The following NDUFA11 variants were observed in gnomAD, a reference collection of about 807,000 sequenced individuals.
NDUFA11 encodes the protein NADH dehydrogenase [ubiquinone] 1 alpha subcomplex subunit 11.
A neutral mutation model predicts 11.3 loss-of-function variants in NDUFA11; 14 were observed. The observed-to-expected ratio is 1.24, with a 90% CI of 0.82 to 1.94. NDUFA11 has a LOEUF of 1.94. Ranked by LOEUF, NDUFA11 falls within the 30% of genes most tolerant of loss-of-function variation. The probability of loss-of-function intolerance (pLI) is 0.00; values close to 1 mark genes in which losing one functional copy is unlikely to be tolerated. For missense variants in NDUFA11, 204 were observed against 200.3 expected (o/e 1.02, Z -0.11); for synonymous variants, 87 against 85.6 (o/e 1.02, Z -0.09).
In NDUFA11 at chr19:5,903,471, A is replaced by G. The variant is rs374200720; in HGVS notation, c.97+141T>C. 1.1e-5 allele frequency: 8 copies of G among 744,344 alleles called. No individual in the cohort carries two copies. In the African/African-American group the frequency reaches 1.3e-4, roughly 12 times the overall value. The allele number at this position is 744,344 out of a possible 1,614,324, so 46.1% of individuals were successfully genotyped here. ...TCCATTTCACACAAGATCCCCCCCT[A>G]CGACCGCCCAAGACACCCCGATGAC... is the stretch of plus-strand genomic sequence containing the variant. On this transcript the variant is annotated intron_variant, in intron 1 of 3. Coordinates refer to ENST00000308961, the MANE Select transcript of NDUFA11 (RefSeq NM_175614.5).
intron 1 of NDUFA11, chr19:5,901,244 G>A (rs2057643548): frequency 8.6e-7 from 1 of 1,159,474 alleles, no homozygotes; most frequent in South Asian, 1.5e-5. Flanking sequence ...TCTCTCACAT[G>A]AACACCAACA....
At chr19:5,892,698 G>C, downstream of NDUFA11, 1 of 532,060 alleles carries the variant, frequency 1.9e-6, no homozygotes, top group Non-Finnish European at 3.0e-6. Flanking sequence ...CTGCCCAGCA[G>C]GCCGTGCTGT....
intron 1 of NDUFA11, among the ~76,000 whole-genome samples, chr19:5,900,264 AATTC>A (rs912918639): frequency 6.6e-6 from 1 of 152,172 alleles, no homozygotes; most frequent in Non-Finnish European, 1.5e-5. Flanking sequence ...ACCCAGTGTG[AATTC>A]ATTCATTCAT....
At chr19:5,894,591 AT>A, downstream of NDUFA11, 1 of 1,493,786 alleles carries the variant, frequency 6.7e-7, no homozygotes, top group Non-Finnish European at 9.0e-7. Flanking sequence ...AGGGGGCCTT[AT>A]CTTATCTCCC....
downstream of NDUFA11, chr19:5,892,738 A>C: frequency 7.4e-6 from 6 of 813,878 alleles, no homozygotes; most frequent in Non-Finnish European, 8.7e-6. Context: ...CGGCCGCAGT[A>C]GAGACAGAGG....
At chr19:5,901,519 G>T in intron 1 of NDUFA11, 1 of 1,236,112 alleles carries the variant, frequency 8.1e-7, no homozygotes, top group Non-Finnish European at 1.1e-6. Flanking sequence ...ATATGGGAGT[G>T]ATGATTAGGT....
At chr19:5,893,268 C>G, downstream of NDUFA11, 1 of 1,338,542 alleles carries the variant, frequency 7.5e-7, no homozygotes, top group Non-Finnish European at 1.0e-6. This position sits in a 1 kb window ranked among gnomAD's most constrained non-coding sequence, Gnocchi z 4.1. Flanking sequence ...GACCAGCCTG[C>G]ACAACACAGT....
chr19:5,901,529 T>G, intron 1 of NDUFA11: 1 of 1,194,712 alleles, frequency 8.4e-7, no homozygotes, highest in Non-Finnish European at 1.1e-6. Context: ...GATGATTAGG[T>G]CTGCCCTAAT....
intron 1 of NDUFA11, among the ~76,000 whole-genome samples, chr19:5,901,756 G>A (rs1359053218): frequency 1.1e-4 from 17 of 150,724 alleles, no homozygotes; most frequent in African/African-American, 2.0e-4. Context: ...TGCAAGCTCC[G>A]CCTCCCAGGT....
chr19:5,896,243 G>C lies in NDUFA11; in HGVS notation c.313+210C>G. The C allele has an allele frequency of 3.3e-6, 2 of 610,416 alleles. No homozygotes were observed. Among genetic ancestry groups the C allele is most frequent in the Non-Finnish European group, 5.8e-6 (2 of 344,998 alleles). 37.8% of individuals were successfully genotyped at this position (610,416 alleles called of 1,614,324 possible). A position where few individuals can be genotyped will look rare whatever the true frequency, so the allele number is the denominator to read the frequency against. On this transcript the variant is annotated intron_variant, in intron 3 of 3. Transcript: ENST00000308961. This position sits in a 1 kb window ranked among gnomAD's most constrained non-coding sequence, Gnocchi z 5.8. ...TGGCTGGAGCAGAGTGAGGAGGGGA[G>C]GGTGGGGAGGGGACAGGGCAGGTCA...
At chr19:5,897,792 G>A (rs935832229) in intron 1 of NDUFA11, among the ~76,000 whole-genome samples, 11 of 152,358 alleles carry the variant, frequency 7.2e-5, no homozygotes, top group Non-Finnish European at 1.3e-4. Context: ...CCAGCCCACC[G>A]TCCCTGCTGG....
chr19:5,900,476 A>G (rs1269607323), intron 1 of NDUFA11, among the ~76,000 whole-genome samples: 2 of 152,178 alleles, frequency 1.3e-5, no homozygotes, highest in Admixed American at 6.6e-5. Flanking sequence ...AGGGTCCCCA[A>G]CTCAGGGAAG....
intron 1 of NDUFA11, 151 bp from the exon 2 acceptor site, chr19:5,897,148 G>A (rs2057615561): frequency 1.4e-6 from 1 of 719,088 alleles, no homozygotes; most frequent in Non-Finnish European, 2.5e-6. Flanking sequence ...GGCAGAGCTG[G>A]ATTTGAACTC....
downstream of NDUFA11, chr19:5,892,829 A>G (rs1466569246): frequency 7.3e-7 from 1 of 1,370,068 alleles, no homozygotes; most frequent in Non-Finnish European, 9.5e-7. Flanking sequence ...TTTGTGGGGC[A>G]TCTCTGAGGG....
chr19:5,893,166 G>A, downstream of NDUFA11: 3 of 1,536,062 alleles, frequency 2.0e-6, no homozygotes, highest in Non-Finnish European at 2.6e-6. The surrounding 1 kb of genome is among the most constrained non-coding windows in gnomAD (Gnocchi z 4.1). Context: ...TGGAAGAAGG[G>A]ACCCAGAATC....
intron 3 of NDUFA11, 132 bp from the exon 4 acceptor site, chr19:5,894,986 T>A: frequency 9.6e-7 from 1 of 1,039,754 alleles, no homozygotes; most frequent in Non-Finnish European, 1.4e-6. Flanking sequence ...AGGGATTAAG[T>A]CACTCAGGAA....
chr19:5,899,082 C>CAT (rs773381992), intron 1 of NDUFA11, among the ~76,000 whole-genome samples: 22 of 151,762 alleles, frequency 1.4e-4, no homozygotes, highest in Non-Finnish European at 2.4e-4. Context: ...CACACACACA[C>CAT]ATCCCCCCCT....
At chr19:5,892,851 C>T (rs1421757356), downstream of NDUFA11, 1 of 1,395,318 alleles carries the variant, frequency 7.2e-7, no homozygotes, top group Non-Finnish European at 9.3e-7. Flanking sequence ...CCCTTATTCC[C>T]ATTTACCAGG....
rs886054647 is a variant in NDUFA11, at chr19:5,896,533, G to A, written c.233C>T (p.Ala78Val). The A allele has an allele frequency of 2.5e-6, 4 of 1,569,606 alleles. No individual in the cohort carries two copies. The African/African-American group carries it at 4.0e-5, about 16-fold the overall frequency. Reference protein sequence around the residue: ...AVFGLTTCISAHVREKPDDPL... With the variant: ...AVFGLTTCISVHVREKPDDPL... Reference sequence around the variant, plus strand: ...GTCGTCGGGCTTCTCGCGGACATGGGCGCTGATGCAGGTGGTGAGGCCAAA... The same window carrying A: ...GTCGTCGGGCTTCTCGCGGACATGGACGCTGATGCAGGTGGTGAGGCCAAA... The change falls in exon 3 of 4, where the codon GCC becomes GTC. Residue 78 changes from alanine to valine, a missense_variant. Ala to Val is a moderately conservative substitution (Grantham distance 64). Transcript: ENST00000308961. This position sits in a 1 kb window ranked among gnomAD's most constrained non-coding sequence, Gnocchi z 5.8.
Sources: allele counts gnomAD v4.1 joint callset (sites outside exome capture counted in the v4.1 genomes callset), GRCh38; gene constraint gnomAD v4.1.1; non-coding constraint Gnocchi (gnomAD v3.1); transcripts MANE v1.5; gene names NCBI Gene and HGNC (gene_info 2026-07-23, HGNC 2026-07-21).